AVEN: variants seen among roughly 807,000 people sequenced by gnomAD.
AVEN encodes apoptosis and caspase activation inhibitor.
AVEN carries 41 observed loss-of-function variants against 38.1 expected under a neutral mutation model. The ratio of observed to expected loss-of-function variants is 1.08; its 90% confidence interval spans 0.84 to 1.40. The LOEUF is 1.40. Among genes scored for constraint, AVEN ranks in the 40% most tolerant of loss-of-function variants. The probability of loss-of-function intolerance (pLI) is 0.00; values close to 1 mark genes in which losing one functional copy is unlikely to be tolerated. For missense variants in AVEN, 605 were observed against 438.8 expected (o/e 1.38, Z -3.38); for synonymous variants, 206 against 171.8 (o/e 1.20, Z -1.56).
chr15:33,946,698 C>T (rs1181318253), intron 2 of AVEN, among the ~76,000 whole-genome samples: 1 of 152,086 alleles, frequency 6.6e-6, no homozygotes, highest in East Asian at 1.9e-4. Context: ...ATGCACAGGA[C>T]AAGGGAAACA....
intron 2 of AVEN, among the ~76,000 whole-genome samples, chr15:33,896,030 C>T (rs73375737): frequency 6.6e-6 from 1 of 152,216 alleles, no homozygotes; most frequent in African/African-American, 2.4e-5. Context: ...TAATTAACGC[C>T]ACACGAAACA....
At chr15:34,021,660 G>A (rs183464614) in intron 1 of AVEN, among the ~76,000 whole-genome samples, 1 of 152,020 alleles carries the variant, frequency 6.6e-6, no homozygotes, top group East Asian at 1.9e-4. Context: ...TTTGAGACCA[G>A]CCTGGCTAAA....
chr15:33,983,223 T>TATACACACACAC (rs1175801204), intron 2 of AVEN, among the ~76,000 whole-genome samples: 4 of 110,626 alleles, frequency 3.6e-5, no homozygotes, highest in East Asian at 3.1e-4. Context: ...TACATATATA[T>TATACACACACAC]ACACACACAT....
intron 4 of AVEN, chr15:34,065,086 C>T (rs1384777196): frequency 1.2e-5 from 2 of 166,240 alleles, no homozygotes; most frequent in African/African-American, 4.8e-5. Flanking sequence ...GATCAAGTCT[C>T]CACAGTCAGT....
intron 2 of AVEN, among the ~76,000 whole-genome samples, chr15:33,921,337 G>C (rs1893386498): frequency 6.6e-6 from 1 of 152,328 alleles, no homozygotes; most frequent in African/African-American, 2.4e-5. Context: ...GACAGACACA[G>C]ACAGTAACTA....
At position 33,959,154 on chromosome 15, in the gene AVEN, G is replaced by A. The variant is rs138980258; in HGVS notation, c.445+43878C>T. On this transcript the variant is annotated intron_variant, in intron 2 of 5. Coordinates refer to ENST00000306730, the MANE Select transcript of AVEN (RefSeq NM_020371.3). Reference sequence around the variant, plus strand: ...ATGGTGCAATCCTAGCTACCCTTTAGTATCCAGTTGAAACATCACCTCATT... The same window carrying A: ...ATGGTGCAATCCTAGCTACCCTTTAATATCCAGTTGAAACATCACCTCATT... Among the ~76,000 whole-genome samples the A allele has an allele frequency of 5.8e-3, 881 of 152,036 alleles. 6 individuals are homozygous for A. The highest frequency in any genetic ancestry group is 0.02 in the African/African-American group (843 of 41,466).
intron 2 of AVEN, among the ~76,000 whole-genome samples, chr15:33,960,288 G>A (rs1895113086): frequency 2.0e-5 from 3 of 152,236 alleles, no homozygotes; most frequent in Middle Eastern, 6.8e-3. Context: ...TTGAATTTTA[G>A]GATCCTGAAA....
At chr15:33,893,230 A>G (rs905709272) in intron 2 of AVEN, among the ~76,000 whole-genome samples, 1 of 152,152 alleles carries the variant, frequency 6.6e-6, no homozygotes, top group African/African-American at 2.4e-5. Flanking sequence ...CTGCCTGATT[A>G]CACCAGCCAG....
intron 2 of AVEN, chr15:33,991,472 T>C (rs115266099): frequency 2.8e-4 from 42 of 151,302 alleles, no homozygotes; most frequent in African/African-American, 1.0e-3. Context: ...CCAGTAAATA[T>C]ATATATCTAC....
intron 1 of AVEN, among the ~76,000 whole-genome samples, chr15:34,018,866 G>A (rs918244688): frequency 4.1e-5 from 3 of 73,428 alleles, no homozygotes; most frequent in Admixed American, 1.7e-4. Context: ...GCTGATCAGT[G>A]CATTTATAAT....
intron 2 of AVEN, among the ~76,000 whole-genome samples, chr15:33,963,905 G>C (rs2140477795): frequency 6.6e-6 from 1 of 152,000 alleles, no homozygotes; most frequent in East Asian, 1.9e-4. Flanking sequence ...TGCAGTATCA[G>C]GGCTCATCAA....
chr15:33,907,418 G>T lies in AVEN; in HGVS notation c.446-31423C>A, dbSNP rs16958309. ...ACATCAGTCATTTTGCTTCCACATG[G>T]GATTATGCTTTTTGAATGAGACATT... On this transcript the variant is annotated intron_variant, in intron 2 of 5. Coordinates refer to ENST00000306730, the MANE Select transcript of AVEN (RefSeq NM_020371.3). 1.4e-3 allele frequency among the ~76,000 whole-genome samples: 218 copies of T among 152,234 alleles called. 1 individual carries two copies. Among genetic ancestry groups the T allele is most frequent in the Non-Finnish European group, 2.6e-3 (179 of 68,008 alleles).
In AVEN at chr15:34,068,813, ATTT is replaced by A. The variant is rs147560221; in HGVS notation, n.784+1772_784+1774del. ...ATCTTTTAAGAGCACCTACAATCCA[ATTT>A]TTTTTTTTTTTTTGAGACGGAGTCT... is the stretch of plus-strand genomic sequence containing the variant. On this transcript the variant is annotated intron_variant and non_coding_transcript_variant, in intron 2 of 11. Transcript: ENST00000675287. 6.6e-5 allele frequency among the ~76,000 whole-genome samples: 9 copies of A among 136,500 alleles called. No individual in the cohort carries two copies. The East Asian group carries it at 2.0e-3, about 30-fold the overall frequency. 89.5% of individuals were successfully genotyped at this position (136,500 alleles called of 152,430 possible).
At chr15:33,933,788 G>C (rs1016804238) in intron 2 of AVEN, among the ~76,000 whole-genome samples, 67 of 152,014 alleles carry the variant, frequency 4.4e-4, no homozygotes, top group African/African-American at 1.5e-3. Context: ...GCAAAACCCT[G>C]TCTCTGCTAA....
At chr15:33,917,384 A>G (rs1893180193) in intron 2 of AVEN, among the ~76,000 whole-genome samples, 1 of 30 alleles carries the variant, frequency 0.033, no homozygotes, top group Admixed American at 0.5. Flanking sequence ...GTATACACAC[A>G]CACACACACA....
downstream of AVEN, among the ~76,000 whole-genome samples, chr15:33,862,483 G>A (rs930384443): frequency 4.6e-5 from 7 of 152,096 alleles, no homozygotes; most frequent in Non-Finnish European, 8.8e-5. Flanking sequence ...CTGGGATTAC[G>A]GGTGTGAGCC....
chr15:33,923,531 GTC>G (rs766011537), intron 2 of AVEN, among the ~76,000 whole-genome samples: 11 of 152,212 alleles, frequency 7.2e-5, no homozygotes, highest in Non-Finnish European at 1.3e-4. Context: ...GGGTCACACA[GTC>G]TCTGTTGTAA....
intron 5 of AVEN, among the ~76,000 whole-genome samples, chr15:34,044,778 C>T (rs753899717): frequency 2.6e-5 from 4 of 152,144 alleles, no homozygotes; most frequent in African/African-American, 4.8e-5. Flanking sequence ...TGGCTGGGCG[C>T]GGTGGCTCAT....
At position 34,063,541 on chromosome 15, in the gene AVEN, G is replaced by A. The variant is rs777572782; in HGVS notation, n.1127-109C>T. The A allele has an allele frequency of 6.4e-5, 104 of 1,613,416 alleles. No homozygotes were observed. The highest frequency in any genetic ancestry group is 1.3e-4 in the East Asian group (6 of 44,870). ...AACCAGGCCTCCTGGTCATCCTCCC[G>A]CAGGAGCACCTCCACCACTGGGAAG... On this transcript the variant is annotated intron_variant and non_coding_transcript_variant, in intron 4 of 11. Coordinates refer to the AVEN transcript ENST00000675287. The surrounding 1 kb of genome is among the most constrained non-coding windows in gnomAD (Gnocchi z 4.1).
Sources: allele counts gnomAD v4.1 joint callset (sites outside exome capture counted in the v4.1 genomes callset), GRCh38; gene constraint gnomAD v4.1.1; non-coding constraint Gnocchi (gnomAD v3.1); transcripts MANE v1.5; gene names NCBI Gene and HGNC (gene_info 2026-07-23, HGNC 2026-07-21).